The following SNX29 variants were observed in gnomAD, a reference collection of about 807,000 sequenced individuals.
The protein encoded by SNX29 is sorting nexin-29.
In SNX29, 78 loss-of-function variants were observed where a neutral mutation model predicts 102.1. The ratio of observed to expected loss-of-function variants is 0.76; its 90% confidence interval spans 0.64 to 0.92. The LOEUF (loss-of-function observed/expected upper bound fraction) is 0.92, where lower values mean the gene tolerates loss of function less well. SNX29 is among the 40% of genes least tolerant of loss of function. The probability of loss-of-function intolerance (pLI) is 0.00; values close to 1 mark genes in which losing one functional copy is unlikely to be tolerated. For synonymous variants in SNX29, 580 were observed against 414.5 expected (o/e 1.40, Z -4.85); for missense variants, 1,280 against 1,061.7 (o/e 1.21, Z -2.86).
intron 13 of SNX29, among the ~76,000 whole-genome samples, chr16:12,163,028 T>G (rs1314597905): frequency 1.3e-5 from 2 of 152,220 alleles, no homozygotes; most frequent in East Asian, 3.9e-4. Context: ...GCTACAGGCA[T>G]GTACCACCAT....
intron 16 of SNX29, among the ~76,000 whole-genome samples, chr16:12,368,068 G>C (rs746182512): frequency 6.6e-6 from 1 of 152,210 alleles, no homozygotes; most frequent in Non-Finnish European, 1.5e-5. Context: ...TCTTGCACCT[G>C]GGGGGAGTTG....
At chr16:12,445,431 A>C (rs1194822686) in intron 18 of SNX29, among the ~76,000 whole-genome samples, 1 of 152,152 alleles carries the variant, frequency 6.6e-6, no homozygotes, top group Non-Finnish European at 1.5e-5. Context: ...TCCTGTGTGC[A>C]TCTCCCCAGG....
intron 15 of SNX29, among the ~76,000 whole-genome samples, chr16:12,342,635 C>T (rs911800127): frequency 2.6e-5 from 4 of 152,178 alleles, no homozygotes; most frequent in African/African-American, 4.8e-5. Context: ...TGTATATTGG[C>T]TCATTTAGTC....
In SNX29 at chr16:12,326,582, G is replaced by T. The variant is rs74675869; in HGVS notation, c.1783-29581G>T. Among the ~76,000 whole-genome samples the T allele has an allele frequency of 8.0e-3, 1,214 of 152,260 alleles. 20 individuals are homozygous for T. The highest frequency in any genetic ancestry group is 0.027 in the African/African-American group (1,113 of 41,554). On this transcript the variant is annotated intron_variant, in intron 15 of 20. Transcript: ENST00000566228. The stretch of plus-strand genomic sequence containing the variant: ...ATGAATGGGTGGGATTGTGTTCCAA[G>T]AAAACTTTATGTGCAAAAACGGGCA...
At chr16:12,264,715 T>A (rs1397094782) in intron 14 of SNX29, among the ~76,000 whole-genome samples, 1 of 150,686 alleles carries the variant, frequency 6.6e-6, no homozygotes, top group African/African-American at 2.4e-5. Context: ...CCGGGAGGCA[T>A]AGGTTGCAGT....
At position 12,567,900 on chromosome 16, in the gene SNX29, A is replaced by G. The variant is rs559792379; in HGVS notation, c.2319-606A>G. 6.7e-4 allele frequency among the ~76,000 whole-genome samples: 102 copies of G among 152,276 alleles called. 1 individual carries two copies. Among genetic ancestry groups the G allele is most frequent in the African/African-American group, 2.2e-3 (92 of 41,578 alleles). ...AGGGCCTCCCACACAACCCAGACCC[A>G]TGCCCTGGGACCCACACACGCTGTG... On this transcript the variant is annotated intron_variant, in intron 20 of 20. Transcript: ENST00000566228.
chr16:12,540,532 C>T lies in SNX29; in HGVS notation c.2318+15691C>T, dbSNP rs9936183. On this transcript the variant is annotated intron_variant, in intron 20 of 20. Transcript: ENST00000566228. ...AGGTTGTGGGGCAGAATTTGTTTCG[C>T]GGCTTCCTGGCAGCCACCCTATGCC... 6.0e-3 allele frequency among the ~76,000 whole-genome samples: 914 copies of T among 152,308 alleles called. 8 individuals are homozygous for T. Among genetic ancestry groups the T allele is most frequent in the African/African-American group, 0.02 (825 of 41,550 alleles).
At chr16:12,040,650 T>C (rs376746798) in intron 4 of SNX29, among the ~76,000 whole-genome samples, 87 of 152,370 alleles carry the variant, frequency 5.7e-4, no homozygotes, top group African/African-American at 1.9e-3. Context: ...GTTGGCCATG[T>C]GCCATGCCCT....
intron 18 of SNX29, among the ~76,000 whole-genome samples, chr16:12,432,471 C>T (rs572186731): frequency 6.6e-6 from 1 of 152,324 alleles, no homozygotes; most frequent in East Asian, 1.9e-4. Flanking sequence ...GAAGACACAT[C>T]TTCTGGAGAA....
At chr16:12,423,259 A>C (rs1272383938) in intron 18 of SNX29, among the ~76,000 whole-genome samples, 1 of 152,130 alleles carries the variant, frequency 6.6e-6, no homozygotes, top group African/African-American at 2.4e-5. Flanking sequence ...CCCTGGGAAA[A>C]CATTCATCAC....
intron 13 of SNX29, among the ~76,000 whole-genome samples, chr16:12,171,618 C>T (rs984855026): frequency 6.6e-6 from 1 of 152,222 alleles, no homozygotes; most frequent in East Asian, 1.9e-4. Context: ...GGTAGCGTTG[C>T]CCTCCCTGGG....
chr16:12,495,906 A>G (rs988929260), intron 19 of SNX29, among the ~76,000 whole-genome samples: 50 of 152,250 alleles, frequency 3.3e-4, no homozygotes, highest in African/African-American at 1.1e-3. Flanking sequence ...TACAAAAATT[A>G]GACAGATACG....
chr16:11,987,916 G>C (rs73515608), intron 1 of SNX29, among the ~76,000 whole-genome samples: 2,194 of 152,264 alleles, frequency 0.014, 66 homozygotes, highest in African/African-American at 0.05. Context: ...TCGCTTTTCA[G>C]AACTTACTGC....
intron 19 of SNX29, among the ~76,000 whole-genome samples, chr16:12,512,369 A>T (rs11863475): frequency 0.078 from 3,381 of 43,570 alleles, 393 homozygotes; most frequent in South Asian, 0.18. Context: ...GCCCAGGGAA[A>T]ATATATATAT....
intron 14 of SNX29, among the ~76,000 whole-genome samples, chr16:12,274,384 G>T (rs1355723226): frequency 2.6e-5 from 4 of 152,086 alleles, no homozygotes; most frequent in African/African-American, 9.7e-5. Context: ...GCTTGCTTTT[G>T]TCCATTTTGC....
At chr16:12,558,119 C>G (rs76831236) in intron 20 of SNX29, among the ~76,000 whole-genome samples, 1,606 of 152,302 alleles carry the variant, frequency 0.011, 13 homozygotes, top group South Asian at 0.025. Flanking sequence ...AATTAGAAGA[C>G]CAGCAGCATT....
chr16:12,192,056 G>T (rs540254223), intron 13 of SNX29, among the ~76,000 whole-genome samples: 1 of 152,196 alleles, frequency 6.6e-6, no homozygotes, highest in African/African-American at 2.4e-5. Context: ...TACTTACCAG[G>T]TTCGTTAGTT....
At chr16:12,541,354 C>T (rs1040941887) in intron 20 of SNX29, among the ~76,000 whole-genome samples, 18 of 151,750 alleles carry the variant, frequency 1.2e-4, no homozygotes, top group East Asian at 1.9e-4. Flanking sequence ...CTTCATTCTT[C>T]ACAGAATTCC....
At chr16:12,558,961 AAC>A (rs1461315289) in intron 20 of SNX29, among the ~76,000 whole-genome samples, 2 of 152,214 alleles carry the variant, frequency 1.3e-5, no homozygotes, top group African/African-American at 4.8e-5. Flanking sequence ...TGTTTCAGGT[AAC>A]AGAGGGATTC....
Sources: allele counts gnomAD v4.1 joint callset (sites outside exome capture counted in the v4.1 genomes callset), GRCh38; gene constraint gnomAD v4.1.1; transcripts MANE v1.5; gene names NCBI Gene and HGNC (gene_info 2026-07-23, HGNC 2026-07-21).